The following DMC1 variants were observed in gnomAD, a reference collection of about 807,000 sequenced individuals.
DMC1 encodes the protein meiotic recombination protein DMC1 homolog.
DMC1 carries 27 observed loss-of-function variants against 50.1 expected under a neutral mutation model. The ratio of observed to expected loss-of-function variants is 0.54; its 90% CI spans 0.40 to 0.74. DMC1 has a LOEUF of 0.74. DMC1 is among the 30% of genes least tolerant of loss of function. The pLI is 0.00. For missense variants in DMC1, 295 were observed against 420.2 expected, an observed-to-expected ratio of 0.70 and a Z score of 2.60; for synonymous variants, 148 against 136.1, an observed-to-expected ratio of 1.09 and a Z score of -0.61.
chr22:38,533,164 A>G (rs2090171774), intron 12 of DMC1, among the ~76,000 whole-genome samples: 1 of 151,822 alleles, frequency 6.6e-6, no homozygotes, highest in South Asian at 2.1e-4. Flanking sequence ...AGGCTGAGGC[A>G]GATGGATCAC....
chr22:38,558,984 G>A (rs1259155666), intron 5 of DMC1, among the ~76,000 whole-genome samples: 1 of 152,122 alleles, frequency 6.6e-6, no homozygotes, highest in Non-Finnish European at 1.5e-5. Context: ...AAAAGGGTAT[G>A]TGATTTTAAA....
intron 9 of DMC1, 81 bp from the exon 10 acceptor site, chr22:38,538,693 G>C: frequency 8.1e-7 from 1 of 1,232,622 alleles, no homozygotes; most frequent in Non-Finnish European, 1.2e-6. Context: ...TGGGAGCCAG[G>C]CAAAATAAAT....
At chr22:38,514,189 G>A (rs1418175595), downstream of DMC1, among the ~76,000 whole-genome samples, 1 of 151,656 alleles carries the variant, frequency 6.6e-6, no homozygotes, top group Admixed American at 6.6e-5. Flanking sequence ...CTTGAATAGT[G>A]GCTGGGTAAA....
intron 7 of DMC1, among the ~76,000 whole-genome samples, chr22:38,551,856 CTTT>C (rs71761663): frequency 1.1e-5 from 1 of 93,154 alleles, no homozygotes; most frequent in African/African-American, 4.2e-5. Flanking sequence ...GAACTCCTTT[CTTT>C]TTTTTTTTTT....
intron 5 of DMC1, among the ~76,000 whole-genome samples, chr22:38,560,698 ATATAT>A (rs1313255752): frequency 7.9e-5 from 12 of 151,882 alleles, no homozygotes; most frequent in African/African-American, 2.4e-4. Context: ...TAAAAATAAC[ATATAT>A]TATATATTAA....
chr22:38,533,104 G>A (rs995998097), intron 12 of DMC1, among the ~76,000 whole-genome samples: 1 of 151,826 alleles, frequency 6.6e-6, no homozygotes, highest in Non-Finnish European at 1.5e-5. Flanking sequence ...TTATAAAAGG[G>A]TCTTGAGGCC....
At position 38,537,611 on chromosome 22, in the gene DMC1, C is replaced by T. The variant is rs765236446; in HGVS notation, c.817G>A (p.Asp273Asn). Residue 273 changes from aspartate to asparagine, a missense_variant, in exon 12 of 14, where the codon GAT (aspartate) becomes AAT (asparagine). Transcript: ENST00000216024. ...AVFVTNQMTA[D>N]PGATMTFQAD... is the part of the protein sequence containing the mutation. ...GCTTACGTCATAGTTGCTCCTGGAT[C>T]GGCAGTCATTTGATTGGTCACAAAA... is the stretch of plus-strand genomic sequence containing the variant. 17 of 1,613,910 alleles carry T rather than the reference C, an allele frequency of 1.1e-5. No individual in the cohort carries two copies. In the South Asian group the frequency reaches 1.4e-4, roughly 14 times the overall value.
At chr22:38,553,323 C>T (rs1217793058) in intron 6 of DMC1, among the ~76,000 whole-genome samples, 1 of 146,280 alleles carries the variant, frequency 6.8e-6, no homozygotes, top group South Asian at 2.2e-4. Context: ...ACTGTGTAAC[C>T]CCATCTCTAC....
chr22:38,562,250 A>T lies in DMC1; in HGVS notation c.326+37T>A, dbSNP rs774112427. The T allele has an allele frequency of 7.6e-6, 10 of 1,312,150 alleles. No individual in the cohort carries two copies. The South Asian group carries it at 1.1e-4, about 14-fold the overall frequency. 81.3% of individuals were successfully genotyped at this position (1,312,150 alleles called of 1,614,324 possible). ...GGAAAAGAAACATGGTATTCCAAAG[A>T]TTATGCTTAGTGATTATAAAAAAGT... On this transcript the variant is annotated intron_variant, in intron 5 of 13. Coordinates refer to ENST00000216024, the MANE Select transcript of DMC1 (RefSeq NM_007068.4).
At chr22:38,548,818 G>A (rs1411670316) in intron 8 of DMC1, among the ~76,000 whole-genome samples, 1 of 152,030 alleles carries the variant, frequency 6.6e-6, no homozygotes, top group Non-Finnish European at 1.5e-5. Context: ...TTCCAGCCTG[G>A]GTGATGGAGA....
intron 4 of DMC1, among the ~76,000 whole-genome samples, chr22:38,562,901 G>A (rs986178738): frequency 1.3e-5 from 2 of 151,978 alleles, no homozygotes; most frequent in African/African-American, 4.8e-5. Flanking sequence ...CCAAGTAGCT[G>A]GGATTACAGG....
chr22:38,521,798 TC>T, intron 12 of DMC1, 74 bp from the exon 13 acceptor site: 2 of 1,032,834 alleles, frequency 1.9e-6, no homozygotes, highest in Non-Finnish European at 3.1e-6. Flanking sequence ...TACAAGGCAA[TC>T]TTTCTGTGGT....
intron 8 of DMC1, among the ~76,000 whole-genome samples, chr22:38,540,796 T>A (rs2090272798): frequency 6.6e-6 from 1 of 152,160 alleles, no homozygotes; most frequent in Non-Finnish European, 1.5e-5. Flanking sequence ...GAAGAGGCAA[T>A]AAAAACATTT....
intron 7 of DMC1, among the ~76,000 whole-genome samples, chr22:38,552,149 C>T (rs1040309198): frequency 6.6e-6 from 1 of 152,198 alleles, no homozygotes; most frequent in African/African-American, 2.4e-5. Context: ...GCGTGAGCCA[C>T]CGGGCCCGGC....
chr22:38,561,091 C>T (rs985888281), intron 5 of DMC1, among the ~76,000 whole-genome samples: 10 of 152,024 alleles, frequency 6.6e-5, no homozygotes, highest in African/African-American at 2.4e-4. Flanking sequence ...TCAACCTCAA[C>T]CTCCTGGGCT....
At chr22:38,534,596 G>A (rs564312687) in intron 12 of DMC1, among the ~76,000 whole-genome samples, 23 of 151,854 alleles carry the variant, frequency 1.5e-4, no homozygotes, top group Non-Finnish European at 3.1e-4. Context: ...CCAGCTACTC[G>A]GGAGGCTGAG....
At chr22:38,568,132 T>C (rs568432643) in intron 2 of DMC1, 74 bp downstream of exon 2, 19 of 1,281,024 alleles carry the variant, frequency 1.5e-5, no homozygotes, top group African/African-American at 1.3e-4. Flanking sequence ...CTAAAAATAG[T>C]AGCTAACAGG....
chr22:38,535,439 T>C (rs540325859), intron 12 of DMC1, among the ~76,000 whole-genome samples: 17 of 136,582 alleles, frequency 1.2e-4, no homozygotes, highest in East Asian at 4.6e-4. Flanking sequence ...CACACACACA[T>C]ACAGGAGAGA....
chr22:38,520,788 A>C (rs1316569086), intron 13 of DMC1, among the ~76,000 whole-genome samples: 2 of 152,222 alleles, frequency 1.3e-5, no homozygotes, highest in African/African-American at 4.8e-5. Flanking sequence ...ATACTTTGAA[A>C]TAAATTAAAA....
Sources: allele counts gnomAD v4.1 joint callset (sites outside exome capture counted in the v4.1 genomes callset), GRCh38; gene constraint gnomAD v4.1.1; transcripts MANE v1.5; gene names NCBI Gene and HGNC (gene_info 2026-07-23, HGNC 2026-07-21).